CENPC: variants seen among roughly 807,000 people sequenced by gnomAD.
CENPC encodes CENP-C 1.
In CENPC, 63 loss-of-function variants were observed where a neutral mutation model predicts 112.1. That is an observed-to-expected ratio of 0.56 (90% CI 0.46 to 0.69). The LOEUF (loss-of-function observed/expected upper bound fraction) is 0.69. CENPC is among the 30% of genes least tolerant of loss of function. CENPC has a pLI of 0.00. For missense variants in CENPC, 1,000 were observed against 1,103.8 expected (o/e 0.91, Z 1.33); for synonymous variants, 333 against 367.6 (o/e 0.91, Z 1.08).
intron 10 of CENPC, 93 bp downstream of exon 10, chr4:67,508,721 C>A: frequency 1.7e-6 from 2 of 1,175,390 alleles, no homozygotes; most frequent in African/African-American, 1.5e-5. Context: ...GCTCTTCATG[C>A]TAATTACTGC....
chr4:67,539,750 TTAC>T, intron 4 of CENPC, 87 bp downstream of exon 4: 1 of 645,554 alleles, frequency 1.5e-6, no homozygotes. Flanking sequence ...AGAATAAGAC[TTAC>T]AAACAACTAA....
intron 16 of CENPC, among the ~76,000 whole-genome samples, chr4:67,490,612 A>AT (rs994656620): frequency 1.3e-5 from 2 of 151,516 alleles, no homozygotes; most frequent in Admixed American, 6.6e-5. Flanking sequence ...ATGCCAATAG[A>AT]TTTTTTTTCC....
In CENPC at chr4:67,545,457, C is replaced by T. The variant is rs965396212; in HGVS notation, c.-102G>A. ...GAAACGAATCGCCGGAATACCAGGCCGCGGCCAAGCAATAACCTTAAGTCT... is the reference window on the plus strand; with the variant it reads ...GAAACGAATCGCCGGAATACCAGGCTGCGGCCAAGCAATAACCTTAAGTCT... On this transcript the variant is annotated 5_prime_UTR_variant, in exon 1 of 19. Coordinates refer to ENST00000273853, the MANE Select transcript of CENPC (RefSeq NM_001812.4). 2.3e-6 allele frequency: 3 copies of T among 1,280,002 alleles called. No individual in the cohort carries two copies. Among genetic ancestry groups the T allele is most frequent in the Non-Finnish European group, 2.1e-6 (2 of 961,372 alleles). 79.3% of individuals were successfully genotyped at this position (1,280,002 alleles called of 1,614,324 possible). A position where few individuals can be genotyped will look rare whatever the true frequency, so the allele number is the denominator to read the frequency against.
intron 14 of CENPC, 88 bp from the exon 15 acceptor site, chr4:67,493,085 T>C: frequency 1.9e-6 from 2 of 1,081,034 alleles, no homozygotes; most frequent in Non-Finnish European, 2.6e-6. Context: ...CACATTTCCT[T>C]TCAAAGTACC....
intron 4 of CENPC, among the ~76,000 whole-genome samples, chr4:67,534,400 T>A (rs1286389641): frequency 6.6e-6 from 1 of 151,980 alleles, no homozygotes; most frequent in Non-Finnish European, 1.5e-5. Flanking sequence ...CAGGAGTGCT[T>A]TTTCTCAAAA....
intron 1 of CENPC, 46 bp from the exon 2 acceptor site, chr4:67,544,241 C>A: frequency 1.9e-6 from 2 of 1,065,434 alleles, no homozygotes; most frequent in South Asian, 2.6e-5. Flanking sequence ...AAGATAGAGT[C>A]GAGTAAAATT....
At chr4:67,477,286 G>A (rs552193129) in intron 17 of CENPC, among the ~76,000 whole-genome samples, 4 of 152,262 alleles carry the variant, frequency 2.6e-5, no homozygotes, top group East Asian at 1.9e-4. Context: ...ACCAAAGACC[G>A]TCACAGAGTC....
At chr4:67,511,857 C>A (rs960088397) in intron 9 of CENPC, among the ~76,000 whole-genome samples, 2 of 152,114 alleles carry the variant, frequency 1.3e-5, no homozygotes, top group Non-Finnish European at 2.9e-5. Flanking sequence ...CTGATTTCCT[C>A]CAGACTTAAC....
rs923596939 is a variant in CENPC at position 67,470,839 on chromosome 4, G to C, written c.*1766C>G. On this transcript the variant is annotated 3_prime_UTR_variant, in exon 19 of 19. Coordinates refer to ENST00000273853, the MANE Select transcript of CENPC (RefSeq NM_001812.4). ...AAAAAAATCACTTAGGAATGGACAA[G>C]GAGTATCTGTAGTTGCTAACCAAAG... 2 of 152,170 alleles carry C rather than the reference G, an allele frequency of 1.3e-5. No individual in the cohort carries two copies. Among genetic ancestry groups the C allele is most frequent in the African/African-American group, 4.8e-5 (2 of 41,426 alleles). 9.4% of individuals were successfully genotyped at this position (152,170 alleles called of 1,614,324 possible).
At chr4:67,491,347 C>G (rs927664948) in intron 16 of CENPC, among the ~76,000 whole-genome samples, 1 of 149,612 alleles carries the variant, frequency 6.7e-6, no homozygotes, top group Admixed American at 6.7e-5. Flanking sequence ...CTACCATTAC[C>G]GCGTTTCTGA....
At chr4:67,536,218 G>T (rs1205835148) in intron 4 of CENPC, among the ~76,000 whole-genome samples, 3 of 152,076 alleles carry the variant, frequency 2.0e-5, no homozygotes, top group African/African-American at 7.2e-5. Flanking sequence ...TACACAAATT[G>T]AGAACAGAGG....
chr4:67,518,527 TAAGATAAACTGCTC>T (rs1726126199), intron 6 of CENPC, among the ~76,000 whole-genome samples, 159 bp from the exon 7 acceptor site: 1 of 152,138 alleles, frequency 6.6e-6, no homozygotes, highest in Non-Finnish European at 1.5e-5. Flanking sequence ...TCCAAATACA[TAAGATAAACTGCTC>T]AGGAAAATTA....
Position 67,514,655 on chromosome 4 carries a change from G to C in CENPC, c.863C>G (p.Pro288Arg), listed in dbSNP as rs780716611. ...CGTATCATCGGGAGGACACGAATGA[G>C]GTGGAGCAGTTGCCGCATGCCTAAC... ...PIVRHAATAP[P>R]HSCPPDDTKL... Residue 288 changes from proline to arginine, a missense_variant, in exon 8 of 19, where the codon CCT (proline) becomes CGT (arginine). By Grantham distance (103) the Pro-to-Arg change is moderately radical. Coordinates refer to ENST00000273853, the MANE Select transcript of CENPC (RefSeq NM_001812.4). 1 of 1,608,534 alleles carries C rather than the reference G, an allele frequency of 6.2e-7. No homozygotes were observed. The highest frequency in any genetic ancestry group is 1.7e-5 in the Admixed American group (1 of 59,506).
At position 67,469,429 on chromosome 4, in the gene CENPC, C is replaced by T. The variant is rs984370398; in HGVS notation, c.*3176G>A. 1.3e-5 allele frequency: 2 copies of T among 152,232 alleles called. No homozygotes were observed. Among genetic ancestry groups the T allele is most frequent in the African/African-American group, 4.8e-5 (2 of 41,440 alleles). 9.4% of individuals were successfully genotyped at this position (152,232 alleles called of 1,614,324 possible). ...TTGCGTGATCTTGGCTCACTGCAAC[C>T]ATCATCTCCCAGGTTCAAGCAATTC... is the stretch of plus-strand genomic sequence containing the variant. On this transcript the variant is annotated 3_prime_UTR_variant, in exon 19 of 19. Coordinates refer to ENST00000273853, the MANE Select transcript of CENPC (RefSeq NM_001812.4).
Position 67,472,385 on chromosome 4 carries a change from CATA to C in CENPC, c.*217_*219del. The C allele has an allele frequency of 4.8e-6, 2 of 420,182 alleles. No homozygotes were observed. The highest frequency in any genetic ancestry group is 7.3e-6 in the Non-Finnish European group (2 of 273,680). The allele number at this position is 420,182 out of a possible 1,614,324, so 26.0% of individuals were successfully genotyped here. A position where few individuals can be genotyped will look rare whatever the true frequency, so the allele number is the denominator to read the frequency against. On this transcript the variant is annotated 3_prime_UTR_variant, in exon 19 of 19. Transcript: ENST00000273853. ...TCTTGTCAAATTATAAAAATAATATCATAAATATGGACATCGCTACAAGCTATT... is the reference window on the plus strand; with the variant it reads ...TCTTGTCAAATTATAAAAATAATATCAATATGGACATCGCTACAAGCTATT...
chr4:67,517,612 T>G (rs1357286518), intron 7 of CENPC, among the ~76,000 whole-genome samples: 2 of 151,518 alleles, frequency 1.3e-5, no homozygotes, highest in African/African-American at 4.8e-5. Flanking sequence ...CCGAGGCAGA[T>G]GGATCACCTG....
At chr4:67,517,399 T>G (rs1000851079) in intron 7 of CENPC, among the ~76,000 whole-genome samples, 1 of 151,348 alleles carries the variant, frequency 6.6e-6, no homozygotes, top group African/African-American at 2.4e-5. Context: ...TGATCTCAAG[T>G]GATCCACCCG....
intron 17 of CENPC, among the ~76,000 whole-genome samples, chr4:67,481,931 C>G (rs1344449298): frequency 1.3e-5 from 2 of 152,098 alleles, no homozygotes; most frequent in Non-Finnish European, 2.9e-5. Context: ...TTCTGCACAG[C>G]CAAAGAAATA....
intron 5 of CENPC, among the ~76,000 whole-genome samples, chr4:67,524,412 C>T (rs1037109439): frequency 2.6e-5 from 4 of 152,128 alleles, no homozygotes; most frequent in Admixed American, 6.5e-5. Flanking sequence ...TTGCAGATGA[C>T]GTGATTGTAT....
Sources: allele counts gnomAD v4.1 joint callset (sites outside exome capture counted in the v4.1 genomes callset), GRCh38; gene constraint gnomAD v4.1.1; transcripts MANE v1.5; gene names NCBI Gene and HGNC (gene_info 2026-07-23, HGNC 2026-07-21).